RSPH14: variants seen among roughly 807,000 people sequenced by gnomAD.
RSPH14 encodes the protein radial spoke head 14 homolog, also known as rhabdoid tumor deletion region gene 1.
RSPH14 carries 20 observed loss-of-function variants against 26.7 expected under a neutral mutation model. The ratio of observed to expected loss-of-function variants is 0.75; its 90% confidence interval spans 0.53 to 1.09. The LOEUF (loss-of-function observed/expected upper bound fraction) is 1.09. Ranked by LOEUF, RSPH14 falls within the 50% of genes least tolerant of loss-of-function variation. The probability of loss-of-function intolerance (pLI) is 0.00; values close to 1 mark genes in which losing one functional copy is unlikely to be tolerated. For synonymous variants in RSPH14, 177 were observed against 189.3 expected, an observed-to-expected ratio of 0.93 and a Z score of 0.53; for missense variants, 449 against 457.2, an observed-to-expected ratio of 0.98 and a Z score of 0.16.
intron 4 of RSPH14, among the ~76,000 whole-genome samples, chr22:23,130,282 C>T (rs2070319782): frequency 6.7e-6 from 1 of 149,964 alleles, no homozygotes; most frequent in East Asian, 2.0e-4. Flanking sequence ...GGTGAAACCC[C>T]GTTTCTACTA....
chr22:23,126,949 T>C (rs2070198674), intron 4 of RSPH14, among the ~76,000 whole-genome samples: 1 of 152,162 alleles, frequency 6.6e-6, no homozygotes, highest in Non-Finnish European at 1.5e-5. Context: ...CAGTGACTGC[T>C]CACTGGGGGG....
chr22:23,140,526 C>A, intron 1 of RSPH14, 54 bp from the exon 2 acceptor site: 1 of 1,492,198 alleles, frequency 6.7e-7, no homozygotes, highest in South Asian at 1.3e-5. Flanking sequence ...AAAGCTACTT[C>A]TCATCTGATC....
At chr22:23,169,467 A>C in the RSPH14 span, among the ~76,000 whole-genome samples, 1 of 152,212 alleles carries the variant, frequency 6.6e-6, no homozygotes, top group African/African-American at 2.4e-5. Flanking sequence ...AAAGAACAAA[A>C]GCTCACGCAG....
chr22:23,123,332 C>T, intron 4 of RSPH14: 1 of 1,613,986 alleles, frequency 6.2e-7, no homozygotes, highest in Non-Finnish European at 8.5e-7. Context: ...TCTACTCCCA[C>T]TTCACCTGCG....
intron 4 of RSPH14, among the ~76,000 whole-genome samples, chr22:23,111,937 T>G (rs1476022796): frequency 6.6e-6 from 1 of 152,152 alleles, no homozygotes; most frequent in Non-Finnish European, 1.5e-5. Flanking sequence ...ACTAGGAGCA[T>G]GTTCTGAGAA....
intron 4 of RSPH14, among the ~76,000 whole-genome samples, chr22:23,085,298 C>T (rs2068787382): frequency 6.6e-6 from 1 of 152,214 alleles, no homozygotes; most frequent in Non-Finnish European, 1.5e-5. Context: ...TGCTCACCAT[C>T]TCCCCAGCGA....
At chr22:23,108,881 C>A (rs958438213) in intron 4 of RSPH14, among the ~76,000 whole-genome samples, 2 of 152,208 alleles carry the variant, frequency 1.3e-5, no homozygotes, top group African/African-American at 4.8e-5. Flanking sequence ...AGGGTTTTGC[C>A]ATGCTCTTCT....
chr22:23,107,010 A>G (rs1402314686), intron 4 of RSPH14, among the ~76,000 whole-genome samples: 1 of 152,272 alleles, frequency 6.6e-6, no homozygotes, highest in Non-Finnish European at 1.5e-5. Flanking sequence ...TGCGGAAGGC[A>G]GGGAGCAGCA....
chr22:23,160,344 G>A, the RSPH14 span, among the ~76,000 whole-genome samples: 1 of 152,342 alleles, frequency 6.6e-6, no homozygotes, highest in Admixed American at 6.5e-5. Flanking sequence ...GGTTGTGCAG[G>A]TTGCTGGCTG....
intron 4 of RSPH14, among the ~76,000 whole-genome samples, chr22:23,064,409 A>G (rs960190913): frequency 3.3e-5 from 5 of 152,088 alleles, no homozygotes; most frequent in Non-Finnish European, 7.4e-5. Flanking sequence ...GGGGGCATCT[A>G]CCATAGCAAG....
chr22:23,106,273 G>A (rs1026865486), intron 4 of RSPH14, among the ~76,000 whole-genome samples: 1 of 152,254 alleles, frequency 6.6e-6, no homozygotes, highest in African/African-American at 2.4e-5. Flanking sequence ...GAGGGTAAGG[G>A]GGGTGGCGCC....
chr22:23,140,506 T>C (rs1029098318), intron 1 of RSPH14, 34 bp from the exon 2 acceptor site: 4 of 1,526,762 alleles, frequency 2.6e-6, no homozygotes, highest in Non-Finnish European at 3.5e-6. Flanking sequence ...ATTATTTCTA[T>C]TATGATTTAA....
At chr22:23,172,481 G>T in the RSPH14 span, among the ~76,000 whole-genome samples, 1 of 151,286 alleles carries the variant, frequency 6.6e-6, no homozygotes, top group Non-Finnish European at 1.5e-5. Flanking sequence ...TTGGGAGGCC[G>T]AGGCGGGCAG....
chr22:23,134,185 G>A (rs763409499), intron 3 of RSPH14, 41 bp from the exon 4 acceptor site: 1 of 1,433,430 alleles, frequency 7.0e-7, no homozygotes, highest in Non-Finnish European at 9.7e-7. Context: ...GTGAGACCAT[G>A]CCCTGAGAGG....
chr22:23,095,786 C>T (rs1432707029), intron 4 of RSPH14: 6 of 1,613,162 alleles, frequency 3.7e-6, no homozygotes, highest in East Asian at 2.2e-5. Flanking sequence ...CCAGCGGCAA[C>T]GCCGCGAAAT....
At chr22:23,156,028 C>T in the RSPH14 span, 1 of 1,611,856 alleles carries the variant, frequency 6.2e-7, no homozygotes, top group Non-Finnish European at 8.5e-7. Context: ...ACCGGGGTGC[C>T]CAGGGTGAGC....
chr22:23,150,243 C>T, the RSPH14 span: 2 of 1,051,668 alleles, frequency 1.9e-6, no homozygotes, highest in Admixed American at 2.0e-5. Flanking sequence ...ATGAAACACA[C>T]ACACGAGGCT....
rs943580034 is a variant in RSPH14 at position 23,107,581 on chromosome 22, G to A, written c.421+26445C>T. Reference sequence around the variant, plus strand: ...GTGAACTGGGGGCCTCTGTCTGCAGGTGGCAGCAGCTGGGGTGTAGGGAGC... The same window carrying A: ...GTGAACTGGGGGCCTCTGTCTGCAGATGGCAGCAGCTGGGGTGTAGGGAGC... On this transcript the variant is annotated intron_variant, in intron 4 of 6. Coordinates refer to ENST00000216036, the MANE Select transcript of RSPH14 (RefSeq NM_014433.3). 2.0e-5 allele frequency among the ~76,000 whole-genome samples: 3 copies of A among 152,146 alleles called. No homozygotes were observed. The East Asian group carries it at 5.8e-4, about 29-fold the overall frequency.
chr22:23,074,219 T>C (rs967817767), intron 4 of RSPH14, among the ~76,000 whole-genome samples: 14 of 151,956 alleles, frequency 9.2e-5, no homozygotes, highest in African/African-American at 3.4e-4. Flanking sequence ...AAGATCTCTC[T>C]GCTGAGGTGG....
Sources: allele counts gnomAD v4.1 joint callset (sites outside exome capture counted in the v4.1 genomes callset), GRCh38; gene constraint gnomAD v4.1.1; transcripts MANE v1.5; gene names NCBI Gene and HGNC (gene_info 2026-07-23, HGNC 2026-07-21).